Variants in BTBD9 observed in about 807,000 individuals in gnomAD.
BTBD9 encodes the protein BTB/POZ domain-containing protein 9.
BTBD9 carries 49 observed loss-of-function variants against 64.3 expected under a neutral mutation model. The ratio of observed to expected loss-of-function variants is 0.76; its 90% CI spans 0.61 to 0.97. The LOEUF (loss-of-function observed/expected upper bound fraction) is 0.97. Ranked by LOEUF, BTBD9 falls within the 50% of genes least tolerant of loss-of-function variation. The probability of loss-of-function intolerance (pLI) is 0.00; values close to 1 mark genes in which losing one functional copy is unlikely to be tolerated. For synonymous variants in BTBD9, 260 were observed against 274.7 expected, an observed-to-expected ratio of 0.95 and a Z score of 0.53; for missense variants, 598 against 762.1, an observed-to-expected ratio of 0.78 and a Z score of 2.53.
rs184806583 is a variant in BTBD9, at chr6:38,278,147, G to A, written c.1454+10125C>T. 2.8e-3 allele frequency among the ~76,000 whole-genome samples: 420 copies of A among 152,270 alleles called. 1 individual carries two copies. The highest frequency in any genetic ancestry group is 6.2e-3 in the South Asian group (30 of 4,820). On this transcript the variant is annotated intron_variant, in intron 8 of 10. Transcript: ENST00000481247. The stretch of plus-strand genomic sequence containing the variant: ...CTTTTTCCTGCCTAAACACAGACAT[G>A]GTAGCTAAAACTGTAGTCCCTATCT...
intron 7 of BTBD9, among the ~76,000 whole-genome samples, chr6:38,298,763 A>G (rs1001827070): frequency 6.6e-6 from 1 of 152,088 alleles, no homozygotes; most frequent in African/African-American, 2.4e-5. Flanking sequence ...GAGTAACAAC[A>G]TATGATATCT....
intron 6 of BTBD9, among the ~76,000 whole-genome samples, chr6:38,452,470 A>G (rs550217616): frequency 6.7e-4 from 102 of 152,234 alleles, no homozygotes; most frequent in African/African-American, 2.4e-3. Context: ...TTCAGGATGG[A>G]TCAGAAGGAA....
chr6:38,514,824 A>G (rs1233798280), intron 6 of BTBD9, among the ~76,000 whole-genome samples: 1 of 152,226 alleles, frequency 6.6e-6, no homozygotes, highest in Admixed American at 6.5e-5. Context: ...TCATCCAACT[A>G]AAAACTAAAA....
intron 6 of BTBD9, among the ~76,000 whole-genome samples, chr6:38,563,391 TCCTTA>T (rs1191165683): frequency 6.6e-6 from 1 of 152,094 alleles, no homozygotes; most frequent in African/African-American, 2.4e-5. Context: ...ACTGCCACGA[TCCTTA>T]CACAAGACCA....
intron 6 of BTBD9, among the ~76,000 whole-genome samples, chr6:38,402,463 G>T (rs1380775646): frequency 6.6e-6 from 1 of 152,172 alleles, no homozygotes; most frequent in Non-Finnish European, 1.5e-5. Context: ...TCAAGATAGT[G>T]TAACACTGGC....
chr6:38,206,001 G>A lies in BTBD9; in HGVS notation c.1563-13404C>T, dbSNP rs940539819. On this transcript the variant is annotated intron_variant, in intron 9 of 10. Transcript: ENST00000481247. Reference sequence around the variant, plus strand: ...TGGGATGGGAGATCCCAGGATGAGAGCCGTAAAACAGGCCCACAGGACAAC... The same window carrying A: ...TGGGATGGGAGATCCCAGGATGAGAACCGTAAAACAGGCCCACAGGACAAC... Among the ~76,000 whole-genome samples, 3 of 151,832 alleles carry A rather than the reference G, an allele frequency of 2.0e-5. No individual in the cohort carries two copies. In the South Asian group the frequency reaches 6.2e-4, roughly 32 times the overall value.
At chr6:38,276,405 G>A (rs1027727819) in intron 8 of BTBD9, among the ~76,000 whole-genome samples, 4 of 151,854 alleles carry the variant, frequency 2.6e-5, no homozygotes, top group Admixed American at 1.3e-4. Context: ...GCTAAATGAC[G>A]AGTTAATGGG....
chr6:38,270,522 G>T (rs1431175928), intron 8 of BTBD9, among the ~76,000 whole-genome samples: 2 of 152,154 alleles, frequency 1.3e-5, no homozygotes, highest in Non-Finnish European at 2.9e-5. Context: ...CCTGTGGTGG[G>T]GCAGAAGAGG....
chr6:38,473,362 G>A (rs1468676885), intron 6 of BTBD9, among the ~76,000 whole-genome samples: 1 of 152,206 alleles, frequency 6.6e-6, no homozygotes, highest in Non-Finnish European at 1.5e-5. Context: ...CAGGAGATTG[G>A]TACTGGCATG....
At chr6:38,180,406 GGAGGAAGTCATCACT>G (rs1761498282) in intron 10 of BTBD9, among the ~76,000 whole-genome samples, 1 of 152,164 alleles carries the variant, frequency 6.6e-6, no homozygotes, top group African/African-American at 2.4e-5. Context: ...ATGGCAGCTT[GGAGGAAGTCATCACT>G]GCCATGGTAG....
intron 6 of BTBD9, among the ~76,000 whole-genome samples, chr6:38,473,642 G>A (rs74512607): frequency 3.8e-4 from 58 of 152,088 alleles, no homozygotes; most frequent in Non-Finnish European, 6.2e-4. Flanking sequence ...TCATTCTTTC[G>A]CCCCTACCAT....
At chr6:38,589,042 C>T (rs1776675824) in intron 4 of BTBD9, among the ~76,000 whole-genome samples, 2 of 152,140 alleles carry the variant, frequency 1.3e-5, no homozygotes. Flanking sequence ...CTTTAAAAGT[C>T]AGGAAAAACA....
At chr6:38,445,979 G>C (rs1166457982) in intron 6 of BTBD9, among the ~76,000 whole-genome samples, 1 of 152,204 alleles carries the variant, frequency 6.6e-6, no homozygotes, top group Non-Finnish European at 1.5e-5. Flanking sequence ...GACGGTAGTT[G>C]AAAGAGTATA....
At chr6:38,486,592 A>G (rs1771437853) in intron 6 of BTBD9, among the ~76,000 whole-genome samples, 1 of 152,226 alleles carries the variant, frequency 6.6e-6, no homozygotes, top group South Asian at 2.1e-4. Context: ...AGCAGTCAGA[A>G]TACACACATT....
intron 6 of BTBD9, among the ~76,000 whole-genome samples, chr6:38,367,923 T>C (rs1246676740): frequency 1.3e-5 from 2 of 151,404 alleles, no homozygotes; most frequent in Non-Finnish European, 2.9e-5. Flanking sequence ...AGAGAGTATA[T>C]GTGTGTAGTG....
intron 9 of BTBD9, among the ~76,000 whole-genome samples, chr6:38,217,300 C>A (rs1337986810): frequency 9.0e-6 from 1 of 111,304 alleles, no homozygotes; most frequent in African/African-American, 3.6e-5. Context: ...GCCTGGGTGA[C>A]AGAGCAAGAC....
chr6:38,455,510 A>G (rs1013414553), intron 6 of BTBD9, among the ~76,000 whole-genome samples: 1 of 152,198 alleles, frequency 6.6e-6, no homozygotes, highest in African/African-American at 2.4e-5. Flanking sequence ...ATGGAATCAT[A>G]CAGTATGTAG....
intron 8 of BTBD9, among the ~76,000 whole-genome samples, chr6:38,266,617 A>AGAAAGGAAAGAAAG: frequency 1.5e-4 from 3 of 19,562 alleles, no homozygotes; most frequent in African/African-American, 2.5e-4. Context: ...AAAGAAAGAA[A>AGAAAGGAAAGAAAG]GAAAGAAAGA....
At chr6:38,326,204 C>T (rs921926638) in intron 7 of BTBD9, among the ~76,000 whole-genome samples, 35 of 152,052 alleles carry the variant, frequency 2.3e-4, no homozygotes, top group Admixed American at 6.5e-5. Flanking sequence ...AGGGGCATTC[C>T]AGAGCGAACA....
Sources: allele counts gnomAD v4.1 joint callset (sites outside exome capture counted in the v4.1 genomes callset), GRCh38; gene constraint gnomAD v4.1.1; transcripts MANE v1.5; gene names NCBI Gene and HGNC (gene_info 2026-07-23, HGNC 2026-07-21).